The following IL1RAPL1 variants were observed in gnomAD, a reference collection of about 807,000 sequenced individuals.
The protein encoded by IL1RAPL1 is interleukin-1 receptor accessory protein-like 1.
IL1RAPL1 carries 3 observed loss-of-function variants against 48.4 expected under a neutral mutation model. The ratio of observed to expected loss-of-function variants is 0.06; its 90% CI spans 0.03 to 0.16. The LOEUF is 0.16. Ranked by LOEUF, IL1RAPL1 falls within the 10% of genes least tolerant of loss-of-function variation. IL1RAPL1 has a pLI of 1.00. For synonymous variants in IL1RAPL1, 185 were observed against 187.7 expected (o/e 0.99, Z 0.12); for missense variants, 349 against 530.6 (o/e 0.66, Z 3.36).
intron 2 of IL1RAPL1, among the ~76,000 whole-genome samples, chrX:29,147,462 T>C (rs1246648937): frequency 3.6e-5 from 4 of 112,097 alleles, no homozygotes; most frequent in African/African-American, 1.3e-4. Context: ...TTTAGAATTC[T>C]TAGTCCCTTT....
At chrX:29,746,400 C>A (rs886808415) in intron 6 of IL1RAPL1, among the ~76,000 whole-genome samples, 6 of 111,427 alleles carry the variant, frequency 5.4e-5, no homozygotes, top group Non-Finnish European at 1.1e-4. Flanking sequence ...CTGAATGAGT[C>A]ATTTCTTTGC....
chrX:28,625,029 T>TG (rs1934323800), intron 1 of IL1RAPL1, among the ~76,000 whole-genome samples: 1 of 112,022 alleles, frequency 8.9e-6, no homozygotes, highest in Non-Finnish European at 1.9e-5. Context: ...AAGTCCTACT[T>TG]GCATGTGAGC....
chrX:29,312,652 C>CT (rs1013338372), intron 3 of IL1RAPL1, among the ~76,000 whole-genome samples: 3 of 111,645 alleles, frequency 2.7e-5, no homozygotes, highest in African/African-American at 9.8e-5. Flanking sequence ...ACCCCAACCA[C>CT]TTTTTCCTGT....
Position 29,028,087 on chromosome X carries a change from A to AT in IL1RAPL1, c.82+238668dup, listed in dbSNP as rs1427806606. On this transcript the variant is annotated intron_variant, in intron 2 of 10. Coordinates refer to ENST00000378993, the MANE Select transcript of IL1RAPL1 (RefSeq NM_014271.4). ...TAACATGTGAATTACCTGACATACC[A>AT]TTTTTTGCAATGAAAACACTTAAAG... is the stretch of plus-strand genomic sequence containing the variant. Among the ~76,000 whole-genome samples the AT allele has an allele frequency of 2.7e-5, 3 of 110,202 alleles. No homozygotes were observed. The Admixed American group carries it at 2.9e-4, about 11-fold the overall frequency.
intron 2 of IL1RAPL1, among the ~76,000 whole-genome samples, chrX:28,933,046 GTTAA>G (rs1045204684): frequency 1.8e-5 from 2 of 111,445 alleles, no homozygotes; most frequent in African/African-American, 6.5e-5. Context: ...TTCTGAGTGA[GTTAA>G]TTAATTAATT....
intron 5 of IL1RAPL1, among the ~76,000 whole-genome samples, chrX:29,406,862 TATA>T (rs1453504944): frequency 8.9e-6 from 1 of 112,137 alleles, no homozygotes; most frequent in Non-Finnish European, 1.9e-5. Context: ...TGTCTTACAC[TATA>T]ATAACTTCTC....
chrX:29,582,059 G>C (rs975393032), intron 5 of IL1RAPL1, among the ~76,000 whole-genome samples: 8 of 111,933 alleles, frequency 7.1e-5, no homozygotes, highest in Non-Finnish European at 1.1e-4. Flanking sequence ...CCCATGATAT[G>C]ATTAGTGATG....
chrX:28,669,187 T>TACTTTATTTC (rs1934919157), intron 1 of IL1RAPL1, among the ~76,000 whole-genome samples: 3 of 111,716 alleles, frequency 2.7e-5, no homozygotes, highest in African/African-American at 6.5e-5. Context: ...TCTTAGGTGC[T>TACTTTATTTC]ACTTTATTTC....
At chrX:28,636,533 C>T (rs1235300255) in intron 1 of IL1RAPL1, among the ~76,000 whole-genome samples, 1 of 111,704 alleles carries the variant, frequency 9.0e-6, no homozygotes, top group Non-Finnish European at 1.9e-5. Context: ...TCTCTCTCTT[C>T]AAGCAATAAG....
chrX:29,072,106 C>A (rs775007437), intron 2 of IL1RAPL1, among the ~76,000 whole-genome samples: 1 of 110,173 alleles, frequency 9.1e-6, no homozygotes, highest in Non-Finnish European at 1.9e-5. Context: ...TGGCTTCCAT[C>A]CAATGATTCC....
chrX:29,789,954 G>T (rs933660642), intron 6 of IL1RAPL1, among the ~76,000 whole-genome samples: 1 of 110,329 alleles, frequency 9.1e-6, no homozygotes, highest in African/African-American at 3.3e-5. Context: ...TAAAAAGAAA[G>T]ATCGTTAGTC....
At chrX:28,933,421 C>T (rs1462260348) in intron 2 of IL1RAPL1, among the ~76,000 whole-genome samples, 1 of 111,488 alleles carries the variant, frequency 9.0e-6, no homozygotes, top group East Asian at 2.8e-4. Flanking sequence ...TCTTCAACCA[C>T]CATTCCTATC....
At chrX:29,889,472 T>C (rs1208722711) in intron 6 of IL1RAPL1, among the ~76,000 whole-genome samples, 1 of 111,678 alleles carries the variant, frequency 9.0e-6, no homozygotes, top group Non-Finnish European at 1.9e-5. Flanking sequence ...ATACCCTCTT[T>C]GTAATAAGTA....
At chrX:29,178,463 T>A (rs1490279750) in intron 2 of IL1RAPL1, among the ~76,000 whole-genome samples, 1 of 112,140 alleles carries the variant, frequency 8.9e-6, no homozygotes, top group Non-Finnish European at 1.9e-5. Context: ...TCTTGAAAAT[T>A]TGTTCAAGTT....
intron 2 of IL1RAPL1, among the ~76,000 whole-genome samples, chrX:29,048,535 A>G (rs1259373412): frequency 9.0e-6 from 1 of 111,665 alleles, no homozygotes; most frequent in Non-Finnish European, 1.9e-5. Context: ...TACTTAGTCT[A>G]CTTGTTGAGA....
At chrX:29,805,044 C>T (rs1366835945) in intron 6 of IL1RAPL1, among the ~76,000 whole-genome samples, 1 of 112,389 alleles carries the variant, frequency 8.9e-6, no homozygotes, top group Non-Finnish European at 1.9e-5. Context: ...GGAAGAATGA[C>T]ACTGACAATT....
At chrX:29,224,599 C>T (rs549849164) in intron 2 of IL1RAPL1, among the ~76,000 whole-genome samples, 9 of 111,474 alleles carry the variant, frequency 8.1e-5, no homozygotes, top group South Asian at 3.7e-4. Flanking sequence ...ATCCTCAATG[C>T]GGTAAATTTT....
At chrX:29,798,026 G>T (rs934323058) in intron 6 of IL1RAPL1, among the ~76,000 whole-genome samples, 1 of 112,013 alleles carries the variant, frequency 8.9e-6, no homozygotes, top group Non-Finnish European at 1.9e-5. Context: ...TTATCGGGGG[G>T]CTCAGCCCTG....
intron 1 of IL1RAPL1, among the ~76,000 whole-genome samples, chrX:28,730,831 A>G (rs1935745830): frequency 8.9e-6 from 1 of 112,144 alleles, no homozygotes; most frequent in African/African-American, 3.2e-5. Context: ...ATGAATGCCT[A>G]ACAACTTACT....
Sources: gnomAD v4.1 joint callset for allele counts (sites outside exome capture counted in the v4.1 genomes callset) on GRCh38, gnomAD v4.1.1 for gene constraint, MANE v1.5 for transcripts, NCBI Gene and HGNC (gene_info 2026-07-23, HGNC 2026-07-21) for gene names.